Variants in TET3 observed in about 807,000 individuals in gnomAD.
TET3 encodes the protein tet methylcytosine dioxygenase 3.
A neutral mutation model predicts 141.4 loss-of-function variants in TET3; 19 were observed. The ratio of observed to expected loss-of-function variants is 0.13; its 90% CI spans 0.09 to 0.20. The LOEUF is 0.20. Among genes scored for constraint, TET3 ranks in the 10% least tolerant of loss-of-function variants. The pLI is 1.00. For synonymous variants in TET3, 1,043 were observed against 980.9 expected (o/e 1.06, Z -1.18); for missense variants, 1,874 against 2,356.9 (o/e 0.80, Z 4.24).
rs753647592 is a variant in TET3 at position 74,101,629 on chromosome 2, A to G, written c.4841A>G (p.Glu1614Gly). 4 of 1,613,384 alleles carry G rather than the reference A, an allele frequency of 2.5e-6. No homozygotes were observed. The South Asian group carries it at 4.4e-5, about 18-fold the overall frequency. ...DPFSLEEGPA[E>G]EPPSKGAVKE... Reference sequence around the variant, plus strand: ...TTCAGCCTGGAGGAGGGGCCGGCTGAGGAGCCCCCCAGCAAGGGAGCGGTG... The same window carrying G: ...TTCAGCCTGGAGGAGGGGCCGGCTGGGGAGCCCCCCAGCAAGGGAGCGGTG... The change falls in exon 12 of 12, where the codon GAG (glutamate) becomes GGG (glycine). Residue 1614 changes from glutamate (E) to glycine (G), a missense_variant. By Grantham distance (98) the Glu-to-Gly change is moderately conservative (BLOSUM62 -2). This residue lies in a region of TET3 where 602 missense variants were observed against 590.2 expected (regional missense o/e 1.02). Coordinates refer to ENST00000409262, the MANE Select transcript of TET3 (RefSeq NM_001287491.2). The surrounding 1 kb of genome is among the most constrained non-coding windows in gnomAD (Gnocchi z 8.5).
intron 4 of TET3, among the ~76,000 whole-genome samples, chr2:74,058,440 T>C (rs1335146637): frequency 6.6e-6 from 1 of 151,868 alleles, no homozygotes; most frequent in Non-Finnish European, 1.5e-5. Context: ...AGTTATCATG[T>C]CCCAGGGAAA....
At chr2:74,100,305 G>A in intron 11 of TET3, 88 bp from the exon 12 acceptor site, 1 of 1,337,014 alleles carries the variant, frequency 7.5e-7, no homozygotes, top group African/African-American at 1.5e-5. Context: ...TGGGAAAGAG[G>A]GAGGGTCCAT....
chr2:74,040,842 C>G (rs1687298956), intron 3 of TET3, among the ~76,000 whole-genome samples: 1 of 152,112 alleles, frequency 6.6e-6, no homozygotes, highest in African/African-American at 2.4e-5. Flanking sequence ...CTGCATTAAG[C>G]CACGATCGCG....
intron 3 of TET3, among the ~76,000 whole-genome samples, chr2:74,032,449 CTCTGTGTGTG>C (rs1426848940): frequency 2.3e-3 from 98 of 42,054 alleles, no homozygotes; most frequent in Middle Eastern, 9.6e-3. Context: ...AGGGGTGTGT[CTCTGTGTGTG>C]TGTGTGTGTG....
chr2:74,117,826 A>C, the TET3 span, among the ~76,000 whole-genome samples: 1 of 152,102 alleles, frequency 6.6e-6, no homozygotes, highest in African/African-American at 2.4e-5. Context: ...GCTCACTGCA[A>C]CCTCTGCCTC....
At chr2:74,002,146 G>A (rs1048828044) in intron 2 of TET3, among the ~76,000 whole-genome samples, 1 of 152,154 alleles carries the variant, frequency 6.6e-6, no homozygotes, top group African/African-American at 2.4e-5. Flanking sequence ...TCAGAGTCCC[G>A]GCTCTGCTGT....
chr2:74,059,864 C>T (rs564092643), intron 4 of TET3, among the ~76,000 whole-genome samples: 23 of 152,288 alleles, frequency 1.5e-4, no homozygotes, highest in African/African-American at 4.3e-4. Context: ...TCTGCCCCGT[C>T]GTTCATTCTC....
intron 2 of TET3, among the ~76,000 whole-genome samples, chr2:73,988,612 A>T (rs530844545): frequency 3.3e-5 from 5 of 152,210 alleles, no homozygotes; most frequent in South Asian, 4.2e-4. Context: ...CTGCTGAGAG[A>T]TGTCTGCATC....
At chr2:74,114,853 C>CAAAAAAAAAAAAAAAAA in the TET3 span, among the ~76,000 whole-genome samples, 307 of 43,796 alleles carry the variant, frequency 7.0e-3, 35 homozygotes, top group East Asian at 0.014. Flanking sequence ...GACTCTGTCT[C>CAAAAAAAAAAAAAAAAA]AAAAAAAAAA....
In TET3 at chr2:74,047,465, G is replaced by C. The variant is rs192465050; in HGVS notation, c.1548G>C (p.Ser516=). Residue 516 remains serine, a synonymous_variant, in exon 4 of 12, where the codon TCG becomes TCC. Transcript: ENST00000409262. ...AGAGGGAGGCTCCCACGCCATCCTC[G>C]GAGCCCGACACCCACCAGAAGGCCC... ...VLQREAPTPS[S]EPDTHQKAQT... The C allele has an allele frequency of 6.2e-7, 1 of 1,612,404 alleles. No homozygotes were observed.
chr2:74,039,093 GCCTGAATGCC>G (rs1488838703), intron 3 of TET3, among the ~76,000 whole-genome samples: 1 of 152,170 alleles, frequency 6.6e-6, no homozygotes, highest in Non-Finnish European at 1.5e-5. Context: ...TCTGCAAGAT[GCCTGAATGCC>G]CCTCCTGAGA....
chr2:73,988,929 T>A (rs1424741905), intron 2 of TET3, among the ~76,000 whole-genome samples: 3 of 147,198 alleles, frequency 2.0e-5, no homozygotes, highest in Non-Finnish European at 3.0e-5. Context: ...TTTTTTTTTT[T>A]AAGTCTTAGC....
At position 74,046,236 on chromosome 2, in the gene TET3, T is replaced by G; in HGVS notation, c.361-42T>G. The G allele has an allele frequency of 6.8e-7, 1 of 1,461,842 alleles. No homozygotes were observed. The highest frequency in any genetic ancestry group is 9.0e-7 in the Non-Finnish European group (1 of 1,106,020). The allele number at this position is 1,461,842 out of a possible 1,614,324, so 90.6% of individuals were successfully genotyped here. ...GCAGGGAAATGCTTTTCAAATAGTG[T>G]GGTTCATTTTTTTCCTTTTTCCCCC... On this transcript the variant is annotated intron_variant, in intron 3 of 11. Transcript: ENST00000409262. The surrounding 1 kb of genome is among the most constrained non-coding windows in gnomAD (Gnocchi z 4.3).
At chr2:74,074,204 A>C (rs973414971) in intron 5 of TET3, among the ~76,000 whole-genome samples, 1 of 152,158 alleles carries the variant, frequency 6.6e-6, no homozygotes, top group African/African-American at 2.4e-5. Flanking sequence ...ATATGACAAG[A>C]TATCCTGGGT....
chr2:74,041,512 C>T (rs2103629487), intron 3 of TET3, among the ~76,000 whole-genome samples: 1 of 152,288 alleles, frequency 6.6e-6, no homozygotes, highest in South Asian at 2.1e-4. Context: ...GTGTGTCAGA[C>T]TGGGTCAGAA....
At chr2:74,120,666 C>G in the TET3 span, 1 of 152,256 alleles carries the variant, frequency 6.6e-6, no homozygotes, top group Non-Finnish European at 1.5e-5. Context: ...GACCCACTTG[C>G]CTGCCTGGAC....
chr2:74,070,631 C>A (rs1689154872), intron 4 of TET3, among the ~76,000 whole-genome samples: 1 of 152,148 alleles, frequency 6.6e-6, no homozygotes, highest in South Asian at 2.1e-4. Context: ...AAGAGAAATC[C>A]ATTCCACTGT....
intron 6 of TET3, among the ~76,000 whole-genome samples, chr2:74,082,618 G>A (rs1443894498): frequency 6.6e-6 from 1 of 152,172 alleles, no homozygotes; most frequent in African/African-American, 2.4e-5. Context: ...AACTATTGTA[G>A]TGGCAAGAAA....
intron 3 of TET3, among the ~76,000 whole-genome samples, chr2:74,013,877 C>T (rs966774689): frequency 6.6e-6 from 1 of 152,130 alleles, no homozygotes; most frequent in East Asian, 1.9e-4. Flanking sequence ...TTTCTGATCT[C>T]CCCTCTACTC....
Sources: gnomAD v4.1 joint callset for allele counts (sites outside exome capture counted in the v4.1 genomes callset) on GRCh38, gnomAD v4.1.1 for gene constraint, gnomAD v4.1.1 regional missense constraint, Gnocchi (gnomAD v3.1) non-coding constraint, MANE v1.5 for transcripts, NCBI Gene and HGNC (gene_info 2026-07-23, HGNC 2026-07-21) for gene names.